ZNF385D: variants seen among roughly 807,000 people sequenced by gnomAD.
ZNF385D encodes zinc finger protein 385D.
In ZNF385D, 15 loss-of-function variants were observed where a neutral mutation model predicts 35.8. The observed-to-expected ratio is 0.42, with a 90% CI of 0.28 to 0.64. ZNF385D has a LOEUF of 0.64. Ranked by LOEUF, ZNF385D falls within the 30% of genes least tolerant of loss-of-function variation. ZNF385D has a pLI of 0.23. For synonymous variants in ZNF385D, 212 were observed against 186.8 expected (o/e 1.13, Z -1.10); for missense variants, 474 against 494.6 (o/e 0.96, Z 0.39).
chr3:21,559,830 C>T (rs748710325), intron 3 of ZNF385D, among the ~76,000 whole-genome samples: 5 of 152,234 alleles, frequency 3.3e-5, no homozygotes, highest in African/African-American at 7.2e-5. Flanking sequence ...TTCACATATT[C>T]GCATATTTCT....
intron 3 of ZNF385D, among the ~76,000 whole-genome samples, chr3:21,809,169 G>A (rs2072791252): frequency 6.6e-6 from 1 of 151,888 alleles, no homozygotes; most frequent in South Asian, 2.1e-4. Context: ...TAGCTAAGAA[G>A]GATTTTAAAG....
At chr3:21,511,302 GA>G (rs572731231) in intron 3 of ZNF385D, among the ~76,000 whole-genome samples, 138 of 151,788 alleles carry the variant, frequency 9.1e-4, no homozygotes, top group African/African-American at 3.2e-3. Context: ...TGGGAGCGGG[GA>G]AAAAAAATAA....
rs533017767 is a variant in ZNF385D, at chr3:21,847,476, T to A, written c.326-182448A>T. 2.6e-5 allele frequency among the ~76,000 whole-genome samples: 4 copies of A among 152,232 alleles called. No individual in the cohort carries two copies. In the South Asian group the frequency reaches 8.3e-4, roughly 31 times the overall value. ...TAGGAACAATAGCAAAATATTCTAA[T>A]GATCCAATTGTTTTATGCTGATTAG... On this transcript the variant is annotated intron_variant, in intron 3 of 5. Coordinates refer to the ZNF385D transcript ENST00000494108.
chr3:21,944,949 C>G (rs1228702246), intron 3 of ZNF385D, among the ~76,000 whole-genome samples: 1 of 151,930 alleles, frequency 6.6e-6, no homozygotes, highest in African/African-American at 2.4e-5. Context: ...TTGTAACTCT[C>G]ATTTACATAG....
At chr3:22,248,923 C>G (rs1699927238) in intron 2 of ZNF385D, among the ~76,000 whole-genome samples, 1 of 152,164 alleles carries the variant, frequency 6.6e-6, no homozygotes. Flanking sequence ...ATGACCTTCT[C>G]TTTCAGAAGG....
chr3:22,172,616 A>G (rs1254537160), intron 2 of ZNF385D, among the ~76,000 whole-genome samples: 1 of 152,176 alleles, frequency 6.6e-6, no homozygotes, highest in East Asian at 1.9e-4. Context: ...GCTGGACCCT[A>G]CAATTCGTGT....
At chr3:21,981,817 G>A (rs1224511581) in intron 3 of ZNF385D, among the ~76,000 whole-genome samples, 1 of 152,114 alleles carries the variant, frequency 6.6e-6, no homozygotes. Flanking sequence ...TATTGAATAA[G>A]AAGTCTTTTC....
At chr3:21,948,634 T>TC (rs1473899280) in intron 3 of ZNF385D, among the ~76,000 whole-genome samples, 8 of 152,274 alleles carry the variant, frequency 5.3e-5, no homozygotes, top group Admixed American at 2.0e-4. Flanking sequence ...TTATCAGTTT[T>TC]ATTTTTTCTA....
chr3:22,255,354 A>G (rs1700262904), intron 2 of ZNF385D, among the ~76,000 whole-genome samples: 1 of 151,672 alleles, frequency 6.6e-6, no homozygotes, highest in African/African-American at 2.4e-5. Context: ...TAATGAACAG[A>G]CAAATATATT....
chr3:21,909,085 T>C (rs1699834048), intron 3 of ZNF385D, among the ~76,000 whole-genome samples: 1 of 152,082 alleles, frequency 6.6e-6, no homozygotes. Context: ...AGTTAAACGT[T>C]CATTGATAGC....
chr3:21,809,343 C>T (rs1405644228), intron 3 of ZNF385D, among the ~76,000 whole-genome samples: 1 of 151,468 alleles, frequency 6.6e-6, no homozygotes, highest in Non-Finnish European at 1.5e-5. Context: ...ACTATTCTTG[C>T]ACTCTTGGGT....
At chr3:21,947,515 T>A (rs1259833011) in intron 3 of ZNF385D, among the ~76,000 whole-genome samples, 1 of 152,100 alleles carries the variant, frequency 6.6e-6, no homozygotes, top group Non-Finnish European at 1.5e-5. Context: ...CATGCCTGGC[T>A]AATTTTTTGT....
chr3:22,279,082 T>A (rs1340155480), intron 2 of ZNF385D, among the ~76,000 whole-genome samples: 1 of 152,058 alleles, frequency 6.6e-6, no homozygotes, highest in Non-Finnish European at 1.5e-5. Flanking sequence ...TACAGGACTA[T>A]CTCCATCTAC....
chr3:21,725,764 T>C (rs2068733402), intron 1 of ZNF385D, among the ~76,000 whole-genome samples: 1 of 152,188 alleles, frequency 6.6e-6, no homozygotes, highest in African/African-American at 2.4e-5. Context: ...AAACAGTAGC[T>C]GGTACCATTC....
At chr3:22,242,096 G>A (rs931093148) in intron 2 of ZNF385D, among the ~76,000 whole-genome samples, 1 of 150,406 alleles carries the variant, frequency 6.6e-6, no homozygotes, top group Non-Finnish European at 1.5e-5. Flanking sequence ...AAGGGGGGAG[G>A]GATAGCACTG....
chr3:21,827,725 A>G (rs968777384), intron 3 of ZNF385D, among the ~76,000 whole-genome samples: 2 of 152,242 alleles, frequency 1.3e-5, no homozygotes, highest in African/African-American at 4.8e-5. Flanking sequence ...TATTACAAAA[A>G]GAGTAATTCT....
chr3:22,298,459 AATATATAAAT>A (rs1702720302), intron 2 of ZNF385D, among the ~76,000 whole-genome samples: 1 of 124,110 alleles, frequency 8.1e-6, no homozygotes, highest in Admixed American at 8.4e-5. Flanking sequence ...ATTTATATAT[AATATATAAAT>A]ATACATAAAA....
chr3:21,818,538 C>G (rs1336292974), intron 3 of ZNF385D, among the ~76,000 whole-genome samples: 1 of 152,078 alleles, frequency 6.6e-6, no homozygotes, highest in Non-Finnish European at 1.5e-5. Context: ...GCCTATTTCT[C>G]AGAGAGATAT....
At chr3:21,785,543 C>T (rs1483046400) in intron 3 of ZNF385D, among the ~76,000 whole-genome samples, 1 of 152,168 alleles carries the variant, frequency 6.6e-6, no homozygotes, top group Non-Finnish European at 1.5e-5. Context: ...TACCCTTTAA[C>T]CATCACTCAC....
Sources: allele counts gnomAD v4.1 joint callset (sites outside exome capture counted in the v4.1 genomes callset), GRCh38; gene constraint gnomAD v4.1.1; transcripts MANE v1.5; gene names NCBI Gene and HGNC (gene_info 2026-07-23, HGNC 2026-07-21).